The following MLLT3 variants were observed in gnomAD, a reference collection of about 807,000 sequenced individuals.
The protein encoded by MLLT3 is MLLT3 super elongation complex subunit.
MLLT3 carries 4 observed loss-of-function variants against 53.2 expected under a neutral mutation model. That is an observed-to-expected ratio of 0.08 (90% CI 0.04 to 0.17). The LOEUF (loss-of-function observed/expected upper bound fraction) is 0.17, where lower values mean the gene tolerates loss of function less well. MLLT3 is among the 10% of genes least tolerant of loss of function. MLLT3 has a pLI of 1.00. For synonymous variants in MLLT3, 283 were observed against 230.6 expected (o/e 1.23, Z -2.06); for missense variants, 569 against 684.0 (o/e 0.83, Z 1.87).
At chr9:20,558,047 G>A (rs1819107454) in intron 2 of MLLT3, among the ~76,000 whole-genome samples, 1 of 152,264 alleles carries the variant, frequency 6.6e-6, no homozygotes, top group South Asian at 2.1e-4. Context: ...ACAGTTGGCT[G>A]TAGTTCACTT....
intron 2 of MLLT3, among the ~76,000 whole-genome samples, chr9:20,494,367 T>C (rs911795413): frequency 2.0e-5 from 3 of 152,140 alleles, no homozygotes; most frequent in East Asian, 1.9e-4. Context: ...GCTTTAAAGA[T>C]GCTGATTTGC....
intron 2 of MLLT3, among the ~76,000 whole-genome samples, chr9:20,515,843 C>G (rs1817898757): frequency 6.6e-6 from 1 of 152,140 alleles, no homozygotes; most frequent in Non-Finnish European, 1.5e-5. Context: ...CCCCAAAGCT[C>G]AAGCACAGAC....
chr9:20,526,329 C>G (rs147654753), intron 2 of MLLT3, among the ~76,000 whole-genome samples: 1 of 152,298 alleles, frequency 6.6e-6, no homozygotes, highest in East Asian at 1.9e-4. Context: ...TTCCCAGAAG[C>G]CTTCCCCAGT....
At chr9:20,465,562 A>T (rs1189228855) in intron 2 of MLLT3, among the ~76,000 whole-genome samples, 1 of 152,144 alleles carries the variant, frequency 6.6e-6, no homozygotes, top group Non-Finnish European at 1.5e-5. Context: ...CAAAATTAAA[A>T]CCCATTTCTG....
At chr9:20,391,889 T>A (rs1288412690) in intron 5 of MLLT3, among the ~76,000 whole-genome samples, 4 of 152,190 alleles carry the variant, frequency 2.6e-5, no homozygotes, top group Non-Finnish European at 4.4e-5. Context: ...GTATCTATGA[T>A]TTCTCTAATT....
intron 5 of MLLT3, among the ~76,000 whole-genome samples, chr9:20,366,513 ATG>A (rs1414867254): frequency 2.5e-4 from 38 of 152,202 alleles, no homozygotes; most frequent in Admixed American, 1.4e-3. Context: ...ATACGTGTGC[ATG>A]TGTCTTTATA....
At position 20,458,109 on chromosome 9, in the gene MLLT3, T is replaced by C. The variant is rs561690234; in HGVS notation, c.194-1323A>G. 2.0e-5 allele frequency among the ~76,000 whole-genome samples: 3 copies of C among 152,342 alleles called. No homozygotes were observed. The East Asian group carries it at 5.8e-4, about 29-fold the overall frequency. ...CACCACACCTTGAAGCTACTCTTAG[T>C]ATCCTCTGCAAGTTCAAATTCTACT... is the stretch of plus-strand genomic sequence containing the variant. On this transcript the variant is annotated intron_variant, in intron 2 of 10. Coordinates refer to ENST00000380338, the MANE Select transcript of MLLT3 (RefSeq NM_004529.4).
intron 2 of MLLT3, among the ~76,000 whole-genome samples, chr9:20,586,136 G>C (rs2131179866): frequency 6.6e-6 from 1 of 152,202 alleles, no homozygotes; most frequent in South Asian, 2.1e-4. Flanking sequence ...GGGCAACATA[G>C]CGAGGCTTCA....
At chr9:20,402,437 G>A (rs142203794) in intron 5 of MLLT3, among the ~76,000 whole-genome samples, 20 of 152,312 alleles carry the variant, frequency 1.3e-4, no homozygotes, top group African/African-American at 4.8e-4. Flanking sequence ...TTTGTAGATA[G>A]ACTAAGAAGA....
At chr9:20,599,793 G>T (rs79919402) in intron 2 of MLLT3, among the ~76,000 whole-genome samples, 2 of 152,090 alleles carry the variant, frequency 1.3e-5, no homozygotes, top group African/African-American at 4.8e-5. Flanking sequence ...CAGCAAAACA[G>T]GACATAGAGT....
chr9:20,514,805 G>C (rs1456991699), intron 2 of MLLT3, among the ~76,000 whole-genome samples: 1 of 152,096 alleles, frequency 6.6e-6, no homozygotes, highest in Non-Finnish European at 1.5e-5. Flanking sequence ...ACCTGTCAGG[G>C]ACATGAAAGT....
intron 2 of MLLT3, among the ~76,000 whole-genome samples, chr9:20,534,065 T>C (rs1343423411): frequency 1.3e-5 from 2 of 152,178 alleles, no homozygotes; most frequent in Non-Finnish European, 2.9e-5. Context: ...TACTCAATCC[T>C]AATTTGTCAA....
rs1201066642 is a variant in MLLT3 at position 20,374,678 on chromosome 9, A to C, written c.1126-8934T>G. On this transcript the variant is annotated intron_variant, in intron 5 of 10. Coordinates refer to ENST00000380338, the MANE Select transcript of MLLT3 (RefSeq NM_004529.4). ...GCTTCAAAAACATGCTAAAAGAACA[A>C]AACTTTGTTATATAAAAAGATATAT... is the stretch of plus-strand genomic sequence containing the variant. Among the ~76,000 whole-genome samples the C allele has an allele frequency of 2.6e-5, 4 of 152,344 alleles. No homozygotes were observed. The East Asian group carries it at 7.7e-4, about 29-fold the overall frequency.
At position 20,392,106 on chromosome 9, in the gene MLLT3, C is replaced by T. The variant is rs774568314; in HGVS notation, c.1125+21615G>A. ...ATCCTTCAATTTGCTTATCCGAGGC[C>T]TCCTGAGCTCCCTGAGTTACCAAGA... is the stretch of plus-strand genomic sequence containing the variant. On this transcript the variant is annotated intron_variant, in intron 5 of 10. Transcript: ENST00000380338. 2.0e-4 allele frequency among the ~76,000 whole-genome samples: 31 copies of T among 152,136 alleles called. 1 individual carries two copies. The highest frequency in any genetic ancestry group is 5.9e-5 in the Non-Finnish European group (4 of 68,030).
At chr9:20,617,514 G>A (rs377035646) in intron 2 of MLLT3, among the ~76,000 whole-genome samples, 11 of 151,796 alleles carry the variant, frequency 7.2e-5, no homozygotes, top group Non-Finnish European at 1.2e-4. Flanking sequence ...GGCTGTAACT[G>A]GAAAAAAAGT....
intron 5 of MLLT3, among the ~76,000 whole-genome samples, chr9:20,405,474 A>G (rs758049209): frequency 1.4e-4 from 21 of 152,226 alleles, no homozygotes; most frequent in Non-Finnish European, 2.5e-4. Context: ...AACAAGGTTT[A>G]ATCATCAGTG....
chr9:20,591,126 C>T (rs1387422997), intron 2 of MLLT3, among the ~76,000 whole-genome samples: 1 of 152,066 alleles, frequency 6.6e-6, no homozygotes, highest in Non-Finnish European at 1.5e-5. Context: ...TAGTATATAC[C>T]TAGTGGCATT....
chr9:20,376,313 C>A (rs1821763798), intron 5 of MLLT3, among the ~76,000 whole-genome samples: 1 of 152,120 alleles, frequency 6.6e-6, no homozygotes, highest in Admixed American at 6.5e-5. Flanking sequence ...CATATTTAGC[C>A]TCTTGAGTTC....
Position 20,343,579 on chromosome 9 carries a change from T to C in MLLT3, c.*2864A>G, listed in dbSNP as rs1336370945. 4.4e-6 allele frequency: 1 copy of C among 229,520 alleles called. No homozygotes were observed. Among genetic ancestry groups the C allele is most frequent in the African/African-American group, 2.2e-5 (1 of 45,090 alleles). The allele number at this position is 229,520 out of a possible 1,614,324, so 14.2% of individuals were successfully genotyped here. A position where few individuals can be genotyped will look rare whatever the true frequency, so the allele number is the denominator to read the frequency against. On this transcript the variant is annotated 3_prime_UTR_variant, in exon 11 of 11. Coordinates refer to ENST00000380338, the MANE Select transcript of MLLT3 (RefSeq NM_004529.4). ...AAAACCAGAGGCAAAAGCTAAGTTA[T>C]AAGGGGGCAGAGGGGCAGGAGCTCT...
Sources: allele counts gnomAD v4.1 joint callset (sites outside exome capture counted in the v4.1 genomes callset), GRCh38; gene constraint gnomAD v4.1.1; transcripts MANE v1.5; gene names NCBI Gene and HGNC (gene_info 2026-07-23, HGNC 2026-07-21).